The following ADAMTS17 variants were observed in gnomAD, a reference collection of about 807,000 sequenced individuals.
ADAMTS17 encodes the protein ADAM metallopeptidase with thrombospondin type 1 motif 17, also known as A disintegrin and metalloproteinase with thrombospondin motifs 17.
Under a neutral mutation model 141.5 loss-of-function variants are expected in ADAMTS17, and 113 were observed. That is an observed-to-expected ratio of 0.80 (90% confidence interval 0.69 to 0.93). ADAMTS17 has a LOEUF of 0.93. Ranked by LOEUF, ADAMTS17 falls within the 40% of genes least tolerant of loss-of-function variation. The pLI, the probability that ADAMTS17 is intolerant of heterozygous loss-of-function variation, is 0.00. For missense variants in ADAMTS17, 1,659 were observed against 1,517.9 expected (o/e 1.09, Z -1.54); for synonymous variants, 768 against 630.6 (o/e 1.22, Z -3.27).
intron 7 of ADAMTS17, among the ~76,000 whole-genome samples, chr15:100,248,100 G>A (rs2043041907): frequency 6.6e-6 from 1 of 152,052 alleles, no homozygotes; most frequent in Non-Finnish European, 1.5e-5. Flanking sequence ...CAGACTCCAA[G>A]CTCCTCCACA....
At chr15:100,242,190 T>C (rs949963900) in intron 7 of ADAMTS17, among the ~76,000 whole-genome samples, 2 of 152,238 alleles carry the variant, frequency 1.3e-5, no homozygotes, top group Non-Finnish European at 2.9e-5. Flanking sequence ...CCTGCCCTTG[T>C]GGTTAATTCC....
At chr15:100,171,475 GAC>G (rs2040158273) in intron 8 of ADAMTS17, among the ~76,000 whole-genome samples, 1 of 152,164 alleles carries the variant, frequency 6.6e-6, no homozygotes, top group Non-Finnish European at 1.5e-5. Context: ...TCACTCAAGT[GAC>G]ACAAACCCTG....
At chr15:100,275,079 T>TGG (rs1277893948) in intron 4 of ADAMTS17, among the ~76,000 whole-genome samples, 1 of 152,094 alleles carries the variant, frequency 6.6e-6, no homozygotes, top group Non-Finnish European at 1.5e-5. Context: ...GAAAACAGGG[T>TGG]GGGCCTCATC....
At chr15:100,137,098 G>A (rs1157231654) in intron 10 of ADAMTS17, among the ~76,000 whole-genome samples, 1 of 152,224 alleles carries the variant, frequency 6.6e-6, no homozygotes, top group African/African-American at 2.4e-5. Context: ...CCTTTCTGGA[G>A]AAGTTACCAC....
At chr15:100,311,393 A>AG (rs1462105135) in intron 3 of ADAMTS17, among the ~76,000 whole-genome samples, 4 of 152,216 alleles carry the variant, frequency 2.6e-5, no homozygotes, top group Non-Finnish European at 5.9e-5. Context: ...CTCCAGCCTC[A>AG]GGGCTGGACC....
intron 2 of ADAMTS17, among the ~76,000 whole-genome samples, chr15:100,335,544 T>C (rs1016256875): frequency 3.3e-5 from 5 of 152,216 alleles, no homozygotes; most frequent in African/African-American, 1.2e-4. Context: ...CTCTGAGCCT[T>C]GCTGGGCGCC....
Position 100,186,405 on chromosome 15 carries a change from G to T in ADAMTS17, c.1181+12913C>A, listed in dbSNP as rs540337026. 7.9e-5 allele frequency among the ~76,000 whole-genome samples: 12 copies of T among 152,294 alleles called. No individual in the cohort carries two copies. In the East Asian group the frequency reaches 1.7e-3, roughly 22 times the overall value. On this transcript the variant is annotated intron_variant, in intron 8 of 21. Coordinates refer to ENST00000268070, the MANE Select transcript of ADAMTS17 (RefSeq NM_139057.4). ...TACTATTATAGGATGGGGTGAAAAT[G>T]AAATGCAATCACGCATTGCTGCATT...
intron 3 of ADAMTS17, among the ~76,000 whole-genome samples, chr15:100,328,457 T>C (rs977515081): frequency 6.6e-6 from 1 of 152,144 alleles, no homozygotes; most frequent in African/African-American, 2.4e-5. Flanking sequence ...AGAGCCTGAG[T>C]CTGGCACAAC....
chr15:100,057,380 C>T lies in ADAMTS17; in HGVS notation c.2138-3326G>A, dbSNP rs138921998. ...TGTGCTGACCACAGCCACACCAGGG[C>T]CTGCTCCGTAGAACCCATTTCTCTC... On this transcript the variant is annotated intron_variant, in intron 15 of 21. Transcript: ENST00000268070. 4.3e-3 allele frequency among the ~76,000 whole-genome samples: 655 copies of T among 152,212 alleles called. 7 individuals carry two copies. Among genetic ancestry groups the T allele is most frequent in the African/African-American group, 0.015 (632 of 41,520 alleles).
intron 15 of ADAMTS17, among the ~76,000 whole-genome samples, chr15:100,059,013 C>G (rs2032892119): frequency 6.6e-6 from 1 of 152,192 alleles, no homozygotes; most frequent in South Asian, 2.1e-4. Context: ...ATACCCTCAC[C>G]ATGACAGATT....
At position 100,001,447 on chromosome 15, in the gene ADAMTS17, C is replaced by T. The variant is rs558149986; in HGVS notation, c.2592-3858G>A. Among the ~76,000 whole-genome samples, 6 of 150,556 alleles carry T rather than the reference C, an allele frequency of 4.0e-5. No homozygotes were observed. In the South Asian group the frequency reaches 6.3e-4, roughly 16 times the overall value. On this transcript the variant is annotated intron_variant, in intron 18 of 21. Transcript: ENST00000268070. The stretch of plus-strand genomic sequence containing the variant: ...TTGTATGATGCTATAACGGTGGAAA[C>T]ATGTCATAAATCTGTCCAAACCCAC...
At chr15:100,163,432 T>A (rs1305324843) in intron 8 of ADAMTS17, among the ~76,000 whole-genome samples, 1 of 152,106 alleles carries the variant, frequency 6.6e-6, no homozygotes, top group Admixed American at 6.5e-5. Flanking sequence ...GATCCACATT[T>A]TTTTTTATAC....
intron 8 of ADAMTS17, among the ~76,000 whole-genome samples, chr15:100,185,752 G>A (rs1048443446): frequency 6.6e-6 from 1 of 152,146 alleles, no homozygotes; most frequent in African/African-American, 2.4e-5. Context: ...TCCACATAAA[G>A]ACACTCAGTC....
chr15:100,207,320 C>T (rs1319803096), intron 7 of ADAMTS17, among the ~76,000 whole-genome samples: 1 of 152,176 alleles, frequency 6.6e-6, no homozygotes, highest in Non-Finnish European at 1.5e-5. Flanking sequence ...GTCCTACTGG[C>T]ACTGCGGAGT....
chr15:100,003,920 G>A (rs1454584372), intron 18 of ADAMTS17, among the ~76,000 whole-genome samples: 1 of 152,220 alleles, frequency 6.6e-6, no homozygotes, highest in African/African-American at 2.4e-5. Context: ...GAAGAAGATA[G>A]AAAAGTTCTG....
At chr15:100,274,579 C>T (rs906771627) in intron 4 of ADAMTS17, among the ~76,000 whole-genome samples, 2 of 152,148 alleles carry the variant, frequency 1.3e-5, no homozygotes, top group Non-Finnish European at 2.9e-5. Flanking sequence ...CTCTTATAGA[C>T]CGCATATAGT....
At chr15:100,003,457 G>C (rs555548345) in intron 18 of ADAMTS17, among the ~76,000 whole-genome samples, 1 of 152,078 alleles carries the variant, frequency 6.6e-6, no homozygotes, top group Non-Finnish European at 1.5e-5. Context: ...GGTTGGCCGC[G>C]AGTAAGCGAG....
chr15:100,014,489 G>A (rs2061250169), intron 18 of ADAMTS17, among the ~76,000 whole-genome samples: 1 of 152,146 alleles, frequency 6.6e-6, no homozygotes, highest in Non-Finnish European at 1.5e-5. Flanking sequence ...TTCTGATGTA[G>A]ATGTTTAGGG....
chr15:100,123,612 A>G (rs1235541963), intron 12 of ADAMTS17, among the ~76,000 whole-genome samples: 1 of 152,252 alleles, frequency 6.6e-6, no homozygotes, highest in Non-Finnish European at 1.5e-5. Context: ...AAAACAGCCG[A>G]CACGCCCAGA....
Sources: gnomAD v4.1 joint callset for allele counts (sites outside exome capture counted in the v4.1 genomes callset) on GRCh38, gnomAD v4.1.1 for gene constraint, MANE v1.5 for transcripts, NCBI Gene and HGNC (gene_info 2026-07-23, HGNC 2026-07-21) for gene names.